Variants in DLGAP2 observed in about 807,000 individuals in gnomAD.
The protein encoded by DLGAP2 is disks large-associated protein 2.
In DLGAP2, 26 loss-of-function variants were observed where a neutral mutation model predicts 100.3. That is an observed-to-expected ratio of 0.26 (90% CI 0.19 to 0.36). DLGAP2 has a LOEUF of 0.36. DLGAP2 is among the 10% of genes least tolerant of loss of function. The probability of loss-of-function intolerance (pLI) is 1.00; values close to 1 mark genes in which losing one functional copy is unlikely to be tolerated. For missense variants in DLGAP2, 1,858 were observed against 1,453.2 expected, an observed-to-expected ratio of 1.28 and a Z score of -4.53; for synonymous variants, 886 against 630.1, an observed-to-expected ratio of 1.41 and a Z score of -6.08.
In DLGAP2 at chr8:1,224,886, C is replaced by G. The variant is rs936232703; in HGVS notation, c.74-33965C>G. Among the ~76,000 whole-genome samples the G allele has an allele frequency of 1.3e-5, 2 of 152,244 alleles. 1 individual carries two copies. Among genetic ancestry groups the G allele is most frequent in the South Asian group, 4.1e-4 (2 of 4,838 alleles). The stretch of plus-strand genomic sequence containing the variant: ...TGCGAGTCAAAACCGCAGTGAACTG[C>G]TCCCCCACATCTGCTAGGATGGCTG... On this transcript the variant is annotated intron_variant, in intron 2 of 14. Coordinates refer to ENST00000637795, the MANE Select transcript of DLGAP2 (RefSeq NM_001346810.2).
intron 2 of DLGAP2, among the ~76,000 whole-genome samples, chr8:1,073,218 TCTTCTG>T (rs1259476913): frequency 7.9e-5 from 12 of 152,336 alleles, no homozygotes; most frequent in Non-Finnish European, 1.3e-4. Context: ...ATCATCTTTC[TCTTCTG>T]CTATTGGAAC....
intron 5 of DLGAP2, among the ~76,000 whole-genome samples, chr8:1,560,974 A>T (rs570897953): frequency 6.6e-6 from 1 of 152,182 alleles, no homozygotes; most frequent in Admixed American, 6.5e-5. Context: ...TCCCCACCGA[A>T]ATCTCGTTTT....
At chr8:1,391,796 C>T (rs1277735052) in intron 3 of DLGAP2, among the ~76,000 whole-genome samples, 1 of 152,256 alleles carries the variant, frequency 6.6e-6, no homozygotes, top group Admixed American at 6.5e-5. Context: ...GCCAGTTTAT[C>T]CTTAGAAGAG....
chr8:737,730 A>T lies in DLGAP2; in HGVS notation c.-78A>T. The T allele has an allele frequency of 5.3e-6, 2 of 374,518 alleles. No homozygotes were observed. Among genetic ancestry groups the T allele is most frequent in the Admixed American group, 4.6e-5 (1 of 21,858 alleles). The allele number at this position is 374,518 out of a possible 1,614,324, so 23.2% of individuals were successfully genotyped here. A position where few individuals can be genotyped will look rare whatever the true frequency, so the allele number is the denominator to read the frequency against. On this transcript the variant is annotated 5_prime_UTR_variant, in exon 1 of 15. Coordinates refer to ENST00000637795, the MANE Select transcript of DLGAP2 (RefSeq NM_001346810.2). ...ACGGACGTACTGACCCCAACCCGCG[A>T]GCCCCGGGAGCCGTCGGTCTGAGGA...
intron 3 of DLGAP2, among the ~76,000 whole-genome samples, chr8:1,420,409 G>T (rs537752945): frequency 2.0e-5 from 3 of 152,088 alleles, no homozygotes; most frequent in African/African-American, 7.2e-5. Context: ...TCACTTCTGC[G>T]ATTCTCTCTT....
chr8:1,446,119 G>T lies in DLGAP2; in HGVS notation c.107-55247G>T, dbSNP rs975249451. ...AATTAGATCCCATTTGTCAATTTTGGCTTTTGTTGCCATTGCTTTTGGTGT... is the reference window on the plus strand; with the variant it reads ...AATTAGATCCCATTTGTCAATTTTGTCTTTTGTTGCCATTGCTTTTGGTGT... On this transcript the variant is annotated intron_variant, in intron 3 of 14. Coordinates refer to ENST00000637795, the MANE Select transcript of DLGAP2 (RefSeq NM_001346810.2). 2.7e-4 allele frequency among the ~76,000 whole-genome samples: 41 copies of T among 151,950 alleles called. 1 individual carries two copies. The highest frequency in any genetic ancestry group is 8.4e-4 in the African/African-American group (35 of 41,450).
At chr8:1,095,048 C>G (rs1804321484) in intron 2 of DLGAP2, among the ~76,000 whole-genome samples, 1 of 151,970 alleles carries the variant, frequency 6.6e-6, no homozygotes, top group African/African-American at 2.4e-5. Context: ...GTGCAACAGC[C>G]TGCACTGGCG....
intron 12 of DLGAP2, among the ~76,000 whole-genome samples, chr8:1,688,920 T>C (rs1799181793): frequency 6.6e-6 from 1 of 152,200 alleles, no homozygotes; most frequent in Admixed American, 6.5e-5. Context: ...AGCATTTTAT[T>C]ACATGAACAT....
intron 3 of DLGAP2, among the ~76,000 whole-genome samples, chr8:1,383,422 T>G (rs1197954592): frequency 1.3e-5 from 2 of 152,188 alleles, no homozygotes; most frequent in African/African-American, 4.8e-5. Context: ...ATACAGAGAT[T>G]CTGTCAAATG....
At chr8:1,486,887 C>G (rs1799248145) in intron 3 of DLGAP2, among the ~76,000 whole-genome samples, 1 of 152,226 alleles carries the variant, frequency 6.6e-6, no homozygotes, top group Admixed American at 6.5e-5. Context: ...CAGCCTCTGC[C>G]TGGAACGTTT....
At chr8:1,513,886 T>G (rs184182629) in intron 4 of DLGAP2, among the ~76,000 whole-genome samples, 3 of 152,286 alleles carry the variant, frequency 2.0e-5, no homozygotes, top group Admixed American at 1.3e-4. Flanking sequence ...ATCCTTGCCT[T>G]CCTTCCCTCC....
intron 12 of DLGAP2, among the ~76,000 whole-genome samples, chr8:1,689,536 C>T (rs1006296853): frequency 2.0e-5 from 3 of 152,340 alleles, no homozygotes; most frequent in African/African-American, 4.8e-5. Flanking sequence ...TTCCTTCCAA[C>T]GGAAGCAGGA....
In DLGAP2 at chr8:1,277,645, C is replaced by G. The variant is rs115147231; in HGVS notation, c.106+18762C>G. The stretch of plus-strand genomic sequence containing the variant: ...AAGTATCAGCCAGGCAGGTCAGTAT[C>G]TGAGTATCCAAGTGTTATCCGAAAT... On this transcript the variant is annotated intron_variant, in intron 3 of 14. Coordinates refer to ENST00000637795, the MANE Select transcript of DLGAP2 (RefSeq NM_001346810.2). Among the ~76,000 whole-genome samples the G allele has an allele frequency of 7.7e-3, 1,180 of 152,312 alleles. 15 individuals carry two copies. Among genetic ancestry groups the G allele is most frequent in the African/African-American group, 0.027 (1,124 of 41,566 alleles).
In DLGAP2 at chr8:1,668,457, G is replaced by A. The variant is rs746843907; in HGVS notation, c.1939G>A (p.Ala647Thr). 8.1e-6 allele frequency: 13 copies of A among 1,595,618 alleles called. No individual in the cohort carries two copies. Among genetic ancestry groups the A allele is most frequent in the African/African-American group, 5.4e-5 (4 of 74,438 alleles). ...CCAGGACGCCTACCAGGACAGCCGC[G>A]CACAGAGGATGTCCCCGTGGCCCCA... is the stretch of plus-strand genomic sequence containing the variant. Reference protein sequence around the residue: ...STQDAYQDSRAQRMSPWPQDS... With the variant: ...STQDAYQDSRTQRMSPWPQDS... The change falls in exon 9 of 15, where the codon GCA (alanine) becomes ACA (threonine). Residue 647 changes from alanine (A) to threonine (T), a missense_variant. Coordinates refer to ENST00000637795, the MANE Select transcript of DLGAP2 (RefSeq NM_001346810.2).
At chr8:1,456,309 G>A (rs1584922393) in intron 3 of DLGAP2, among the ~76,000 whole-genome samples, 1 of 152,220 alleles carries the variant, frequency 6.6e-6, no homozygotes, top group Admixed American at 6.5e-5. Flanking sequence ...GCTTCTCCCA[G>A]GCTGCCACCC....
intron 1 of DLGAP2, among the ~76,000 whole-genome samples, chr8:816,699 G>A (rs900123119): frequency 6.6e-5 from 10 of 152,122 alleles, no homozygotes; most frequent in African/African-American, 2.4e-4. Flanking sequence ...ATGTGTCTAA[G>A]GTGATGATCT....
chr8:1,333,891 T>A (rs1801213876), intron 3 of DLGAP2, among the ~76,000 whole-genome samples: 1 of 152,220 alleles, frequency 6.6e-6, no homozygotes. Flanking sequence ...AGATCCCAGG[T>A]GCATCCTTGC....
Position 1,341,586 on chromosome 8 carries a change from G to A in DLGAP2, c.106+82703G>A, listed in dbSNP as rs538146689. On this transcript the variant is annotated intron_variant, in intron 3 of 14. Transcript: ENST00000637795. ...GAAGGAGATGACTGTGGCTGACCCC[G>A]TACAAAAGTTAGTTCTGTGTCGTTT... Among the ~76,000 whole-genome samples, 20 of 152,258 alleles carry A rather than the reference G, an allele frequency of 1.3e-4. No individual in the cohort carries two copies. The South Asian group carries it at 1.7e-3, about 13-fold the overall frequency.
chr8:1,525,051 T>C (rs1186753822), intron 4 of DLGAP2, among the ~76,000 whole-genome samples: 1 of 152,192 alleles, frequency 6.6e-6, no homozygotes, highest in Middle Eastern at 3.2e-3. Context: ...CTTCCATTGT[T>C]TTCTTTCTGT....
Sources: gnomAD v4.1 joint callset for allele counts (sites outside exome capture counted in the v4.1 genomes callset) on GRCh38, gnomAD v4.1.1 for gene constraint, MANE v1.5 for transcripts, NCBI Gene and HGNC (gene_info 2026-07-23, HGNC 2026-07-21) for gene names.